CCDC62: variants seen among roughly 807,000 people sequenced by gnomAD.
CCDC62 encodes coiled-coil domain containing 62.
Under a neutral mutation model 80.8 loss-of-function variants are expected in CCDC62, and 72 were observed. The ratio of observed to expected loss-of-function variants is 0.89; its 90% confidence interval spans 0.74 to 1.08. CCDC62 has a LOEUF of 1.08. CCDC62 is among the 50% of genes least tolerant of loss of function. CCDC62 has a pLI of 0.00. For synonymous variants in CCDC62, 286 were observed against 296.5 expected, an observed-to-expected ratio of 0.96 and a Z score of 0.36; for missense variants, 704 against 809.4, an observed-to-expected ratio of 0.87 and a Z score of 1.58.
At chr12:122,775,192 G>A (rs563269231) in intron 1 of CCDC62, among the ~76,000 whole-genome samples, 172 of 152,226 alleles carry the variant, frequency 1.1e-3, no homozygotes, top group African/African-American at 4.0e-3. Flanking sequence ...TTCAGCCCGG[G>A]CCACAGAGTA....
rs776393227 is a variant in CCDC62 at position 122,801,777 on chromosome 12, A to G, written c.1631A>G (p.Gln544Arg). The G allele has an allele frequency of 6.2e-7, 1 of 1,614,174 alleles. No individual in the cohort carries two copies. The highest frequency in any genetic ancestry group is 1.1e-5 in the South Asian group (1 of 91,082). ...WMSIFKPSKMQRIVRLKSGCT... is the reference protein window; with the variant it reads ...WMSIFKPSKMRRIVRLKSGCT... ...AGTATTTTCAAGCCTTCCAAAATGC[A>G]GAGAATTGTCCGCCTCAAATCTGGG... is the stretch of plus-strand genomic sequence containing the variant. Residue 544 changes from glutamine (Q) to arginine (R), a missense_variant, in exon 9 of 13, where the codon CAG becomes CGG. Gln to Arg is a conservative substitution (Grantham distance 43). Coordinates refer to ENST00000253079, the MANE Select transcript of CCDC62 (RefSeq NM_201435.5).
At position 122,801,242 on chromosome 12, in the gene CCDC62, A is replaced by G; in HGVS notation, c.1096A>G (p.Asn366Asp). The change falls in exon 9 of 13, where the codon AAT becomes GAT. Residue 366 changes from asparagine (N) to aspartate (D), a missense_variant. Transcript: ENST00000253079. Reference sequence around the variant, plus strand: ...ATTTGAAGCCATGTTGGTTCAGCAAAATAGGTCAGACAAGAGCTCTTGCGA... The same window carrying G: ...ATTTGAAGCCATGTTGGTTCAGCAAGATAGGTCAGACAAGAGCTCTTGCGA... ...QKFEAMLVQQNRSDKSSCDEC... is the reference protein window; with the variant it reads ...QKFEAMLVQQDRSDKSSCDEC... 2 of 1,614,170 alleles carry G rather than the reference A, an allele frequency of 1.2e-6. No homozygotes were observed. Among genetic ancestry groups the G allele is most frequent in the Non-Finnish European group, 1.7e-6 (2 of 1,180,018 alleles).
intron 4 of CCDC62, among the ~76,000 whole-genome samples, chr12:122,786,395 G>A: frequency 6.6e-6 from 1 of 151,866 alleles, no homozygotes; most frequent in African/African-American, 2.4e-5. Flanking sequence ...TGATCCGCCC[G>A]CCTCGGCCTC....
rs752542291 is a variant in CCDC62 at position 122,801,791 on chromosome 12, C to T, written c.1645C>T (p.Leu549Phe). The T allele has an allele frequency of 2.5e-6, 4 of 1,614,110 alleles. No individual in the cohort carries two copies. In the South Asian group the frequency reaches 3.3e-5, roughly 13 times the overall value. Reference protein sequence around the residue: ...KPSKMQRIVRLKSGCTCSESI... With the variant: ...KPSKMQRIVRFKSGCTCSESI... ...TTCCAAAATGCAGAGAATTGTCCGC[C>T]TCAAATCTGGGTGCACCTGTTCAGA... The change falls in exon 9 of 13, where the codon CTC becomes TTC. Residue 549 changes from leucine (L) to phenylalanine (F), a missense_variant. Leu to Phe is a conservative substitution (Grantham distance 22). Coordinates refer to ENST00000253079, the MANE Select transcript of CCDC62 (RefSeq NM_201435.5).
At chr12:122,823,338 G>A (rs1391310210) in intron 11 of CCDC62, 28 bp from the exon 12 acceptor site, 3 of 1,573,254 alleles carry the variant, frequency 1.9e-6, no homozygotes, top group Admixed American at 3.4e-5. Context: ...TCTCTATCCT[G>A]AATACTAATC....
intron 3 of CCDC62, among the ~76,000 whole-genome samples, chr12:122,784,179 T>C (rs556377720): frequency 6.6e-5 from 10 of 152,258 alleles, no homozygotes; most frequent in East Asian, 1.9e-4. Flanking sequence ...TTTTTTCACT[T>C]AGTAACACAC....
chr12:122,813,674 G>A (rs10847775), intron 11 of CCDC62, among the ~76,000 whole-genome samples: 128,170 of 152,060 alleles, frequency 0.84, 55,276 homozygotes, highest in East Asian at 0.99. Context: ...GGAGGGGGCG[G>A]GTACAGAGTT....
intron 1 of CCDC62, among the ~76,000 whole-genome samples, chr12:122,776,247 T>C (rs1036285804): frequency 6.6e-6 from 1 of 152,224 alleles, no homozygotes; most frequent in African/African-American, 2.4e-5. Context: ...AGAAGTTAAG[T>C]AACTTGCCCA....
intron 3 of CCDC62, among the ~76,000 whole-genome samples, chr12:122,785,278 CA>C (rs2030142596): frequency 6.6e-6 from 1 of 152,068 alleles, no homozygotes. Flanking sequence ...GTTCTTTCGA[CA>C]AAGAATATTT....
In CCDC62 at chr12:122,775,725, G is replaced by A. The variant is rs542647040; in HGVS notation, c.36+1019G>A. The stretch of plus-strand genomic sequence containing the variant: ...CTTCCCGAGTTCAAGCAATCCTCCC[G>A]CCTCAGCCTCCCAAATAGCTGGGAC... On this transcript the variant is annotated intron_variant, in intron 1 of 12. Coordinates refer to ENST00000253079, the MANE Select transcript of CCDC62 (RefSeq NM_201435.5). Among the ~76,000 whole-genome samples, 3 of 152,222 alleles carry A rather than the reference G, an allele frequency of 2.0e-5. No individual in the cohort carries two copies. In the East Asian group the frequency reaches 5.8e-4, roughly 29 times the overall value.
At chr12:122,800,264 G>A (rs565816330) in intron 8 of CCDC62, among the ~76,000 whole-genome samples, 4 of 145,752 alleles carry the variant, frequency 2.7e-5, no homozygotes, top group South Asian at 4.3e-4. Flanking sequence ...GGAGGTACTA[G>A]ATGAGTTGAG....
Position 122,781,340 on chromosome 12 carries a change from A to C in CCDC62, c.396+10A>C, listed in dbSNP as rs1422500213. 1 of 1,610,758 alleles carries C rather than the reference A, an allele frequency of 6.2e-7. No individual in the cohort carries two copies. Among genetic ancestry groups the C allele is most frequent in the African/African-American group, 1.3e-5 (1 of 74,818 alleles). The stretch of plus-strand genomic sequence containing the variant: ...CTCTGAAGACCTTGAGGTTGGGATT[A>C]GTTTTTGATAAGCTTCACTAGTCCA... On this transcript the variant is annotated intron_variant, in intron 3 of 12. Transcript: ENST00000253079.
chr12:122,817,218 A>ATTTTTTTT (rs71085859), intron 11 of CCDC62, among the ~76,000 whole-genome samples: 7 of 134,266 alleles, frequency 5.2e-5, no homozygotes, highest in African/African-American at 2.1e-4. Flanking sequence ...CGCCTAGCTA[A>ATTTTTTTT]TTTTTTTTTT....
At chr12:122,791,386 G>T (rs193004217) in intron 5 of CCDC62, among the ~76,000 whole-genome samples, 2 of 151,708 alleles carry the variant, frequency 1.3e-5, no homozygotes, top group African/African-American at 4.8e-5. Context: ...TGATCCACCC[G>T]CCTCAGCCTC....
intron 10 of CCDC62, among the ~76,000 whole-genome samples, chr12:122,808,504 A>G (rs931165150): frequency 2.8e-4 from 42 of 152,090 alleles, no homozygotes; most frequent in Admixed American, 7.2e-4. Flanking sequence ...TAGCTAGCTC[A>G]TATGGTAGGT....
chr12:122,795,058 G>GT (rs1360447449), intron 6 of CCDC62, among the ~76,000 whole-genome samples: 1 of 151,388 alleles, frequency 6.6e-6, no homozygotes, highest in Non-Finnish European at 1.5e-5. Context: ...TTTTGTTTTT[G>GT]TTTTTTTTCG....
intron 3 of CCDC62, among the ~76,000 whole-genome samples, chr12:122,781,757 G>A (rs887190350): frequency 9.2e-5 from 14 of 151,390 alleles, no homozygotes; most frequent in Admixed American, 6.6e-4. Flanking sequence ...TGGGCACAGT[G>A]GCTTGGTGGC....
intron 9 of CCDC62, among the ~76,000 whole-genome samples, chr12:122,802,161 G>A (rs756382069): frequency 1.1e-4 from 16 of 152,116 alleles, no homozygotes; most frequent in Non-Finnish European, 2.1e-4. Flanking sequence ...AAAAGCAAAC[G>A]GGTGGATCGC....
At chr12:122,776,674 A>G (rs1385489090) in intron 1 of CCDC62, 1 of 152,248 alleles carries the variant, frequency 6.6e-6, no homozygotes, top group Non-Finnish European at 1.5e-5. Context: ...GTATGTATAG[A>G]TGCCTTAGAT....
Sources: allele counts gnomAD v4.1 joint callset (sites outside exome capture counted in the v4.1 genomes callset), GRCh38; gene constraint gnomAD v4.1.1; transcripts MANE v1.5; gene names NCBI Gene and HGNC (gene_info 2026-07-23, HGNC 2026-07-21).